PHLDB3: variants seen among roughly 807,000 people sequenced by gnomAD.
PHLDB3 encodes the protein pleckstrin homology like domain family B member 3.
Under a neutral mutation model 85.7 loss-of-function variants are expected in PHLDB3, and 86 were observed. The observed-to-expected ratio is 1.00, with a 90% CI of 0.84 to 1.20. The LOEUF is 1.20. Ranked by LOEUF, PHLDB3 falls within the 50% of genes most tolerant of loss-of-function variation. The pLI, the probability that PHLDB3 is intolerant of heterozygous loss-of-function variation, is 0.00. For missense variants in PHLDB3, 995 were observed against 873.0 expected (o/e 1.14, Z -1.76); for synonymous variants, 376 against 349.8 (o/e 1.07, Z -0.83).
intron 9 of PHLDB3, among the ~76,000 whole-genome samples, chr19:43,489,221 G>A (rs1221323639): frequency 2.0e-5 from 3 of 152,084 alleles, no homozygotes; most frequent in Admixed American, 2.0e-4. Context: ...GAAAACCAAG[G>A]CCAGGTGTGG....
chr19:43,484,099 A>C (rs943847654), intron 13 of PHLDB3, among the ~76,000 whole-genome samples: 2 of 151,784 alleles, frequency 1.3e-5, no homozygotes, highest in African/African-American at 4.8e-5. Flanking sequence ...TATAAATACA[A>C]AATTAGCCAG....
Position 43,475,380 on chromosome 19 carries a change from A to G in PHLDB3, c.*30T>C. 3.7e-6 allele frequency: 6 copies of G among 1,606,358 alleles called. No homozygotes were observed. The highest frequency in any genetic ancestry group is 4.3e-6 in the Non-Finnish European group (5 of 1,174,762). ...GCGCCCCGCGCCGGCGGAGCCTCGA[A>G]GGGACTTCCCCCCAAGAGGGCGGGG... On this transcript the variant is annotated 3_prime_UTR_variant, in exon 16 of 16. Transcript: ENST00000292140.
chr19:43,476,972 AT>A (rs1453679484), intron 15 of PHLDB3, among the ~76,000 whole-genome samples: 39 of 151,916 alleles, frequency 2.6e-4, no homozygotes, highest in Non-Finnish European at 4.7e-4. Flanking sequence ...CATTTAAAAA[AT>A]AAAAAAAAAA....
At chr19:43,486,072 C>T (rs1293234785) in intron 13 of PHLDB3, 194 bp downstream of exon 13, 1 of 985,366 alleles carries the variant, frequency 1.0e-6, no homozygotes, top group Non-Finnish European at 1.2e-6. Flanking sequence ...CGAGGACCTG[C>T]CACACATGGA....
intron 4 of PHLDB3, among the ~76,000 whole-genome samples, 184 bp from the exon 5 acceptor site, chr19:43,498,060 A>G (rs1971506455): frequency 6.6e-6 from 1 of 152,118 alleles, no homozygotes; most frequent in African/African-American, 2.4e-5. Flanking sequence ...GAATGAGGCC[A>G]GGTGTGGTGG....
intron 4 of PHLDB3, among the ~76,000 whole-genome samples, chr19:43,500,909 A>ACCCCTCCCCCCCCCCCCCCCCCC (rs1971574220): frequency 5.8e-5 from 1 of 17,152 alleles, no homozygotes; most frequent in Non-Finnish European, 1.3e-4. Flanking sequence ...CGCCCCCCGT[A>ACCCCTCCCCCCCCCCCCCCCCCC]CCCCCCCCCC....
At chr19:43,500,920 A>AC (rs1179130177) in intron 4 of PHLDB3, among the ~76,000 whole-genome samples, 4 of 20,212 alleles carry the variant, frequency 2.0e-4, no homozygotes, top group East Asian at 1.3e-3. Context: ...CCCCCCCCCC[A>AC]CCCCGCAAGT....
chr19:43,501,465 G>GT, intron 4 of PHLDB3: 1 of 565,802 alleles, frequency 1.8e-6, no homozygotes, highest in Non-Finnish European at 3.0e-6. Flanking sequence ...GATTACAGGC[G>GT]TGAGCCACTG....
chr19:43,497,634 C>T, intron 5 of PHLDB3, 114 bp downstream of exon 5: 1 of 1,142,618 alleles, frequency 8.8e-7, no homozygotes, highest in South Asian at 1.5e-5. Context: ...ATCGCTTGAA[C>T]CTGGGAGGCG....
chr19:43,491,238 G>A (rs375488602), intron 9 of PHLDB3, among the ~76,000 whole-genome samples: 1 of 152,178 alleles, frequency 6.6e-6, no homozygotes, highest in African/African-American at 2.4e-5. Flanking sequence ...AGGGGAAGCA[G>A]CCAGAAAGTT....
intron 9 of PHLDB3, among the ~76,000 whole-genome samples, chr19:43,493,196 T>G (rs1186605931): frequency 6.6e-6 from 1 of 151,574 alleles, no homozygotes; most frequent in African/African-American, 2.4e-5. Context: ...GGAGAATCGC[T>G]TGAACCCAGG....
At chr19:43,504,239 C>T in intron 1 of PHLDB3, 107 bp from the exon 2 acceptor site, 1 of 1,039,782 alleles carries the variant, frequency 9.6e-7, no homozygotes, top group Non-Finnish European at 1.4e-6. Context: ...GAGGCGGGGC[C>T]TAAGAGTTCA....
chr19:43,497,914 A>G (rs371399735), intron 4 of PHLDB3, 38 bp from the exon 5 acceptor site: 2 of 1,569,106 alleles, frequency 1.3e-6, no homozygotes, highest in Non-Finnish European at 1.7e-6. Flanking sequence ...CAGCTTAAGC[A>G]TAGCGGGAGA....
intron 8 of PHLDB3, 125 bp from the exon 9 acceptor site, chr19:43,494,940 T>G: frequency 1.4e-6 from 1 of 696,590 alleles, no homozygotes. Context: ...TAAGGAGAGA[T>G]GGAATGTGGT....
intron 2 of PHLDB3, among the ~76,000 whole-genome samples, chr19:43,503,625 G>C (rs1233149665): frequency 1.3e-5 from 2 of 152,054 alleles, no homozygotes; most frequent in Admixed American, 6.5e-5. Flanking sequence ...TAGTCTCTCT[G>C]TCTCTGTCGC....
intron 13 of PHLDB3, among the ~76,000 whole-genome samples, chr19:43,482,303 C>T (rs1971064229): frequency 6.6e-6 from 1 of 152,098 alleles, no homozygotes; most frequent in Non-Finnish European, 1.5e-5. Flanking sequence ...GCTAAAACAC[C>T]AGGGTTATCA....
chr19:43,495,177 G>A (rs999683985), intron 8 of PHLDB3, 79 bp downstream of exon 8: 97 of 1,109,612 alleles, frequency 8.7e-5, no homozygotes, highest in Non-Finnish European at 1.1e-4. Flanking sequence ...GGACTCCTGC[G>A]TCTGAGGGAG....
At chr19:43,480,093 A>T (rs896165501) in intron 13 of PHLDB3, among the ~76,000 whole-genome samples, 1 of 151,260 alleles carries the variant, frequency 6.6e-6, no homozygotes, top group Non-Finnish European at 1.5e-5. Flanking sequence ...ACATAGTGAG[A>T]TCCTGTCTCT....
chr19:43,487,107 T>A lies in PHLDB3; in HGVS notation c.1166A>T (p.Gln389Leu). The A allele has an allele frequency of 5.8e-6, 9 of 1,561,508 alleles. No homozygotes were observed. The highest frequency in any genetic ancestry group is 7.8e-6 in the Non-Finnish European group (9 of 1,152,348). The change falls in exon 10 of 16, where the codon CAG becomes CTG. Residue 389 changes from glutamine to leucine, a missense_variant. Transcript: ENST00000292140. Reference sequence around the variant, plus strand: ...TTTCCGGGGCAGGCTCCCAGTCCTCTGGAGGCCAATGGAGCCCTGAAAACA... The same window carrying A: ...TTTCCGGGGCAGGCTCCCAGTCCTCAGGAGGCCAATGGAGCCCTGAAAACA... ...HSSLQGSIGL[Q>L]RTGSLPRKRG...
Sources: allele counts gnomAD v4.1 joint callset (sites outside exome capture counted in the v4.1 genomes callset), GRCh38; gene constraint gnomAD v4.1.1; transcripts MANE v1.5; gene names NCBI Gene and HGNC (gene_info 2026-07-23, HGNC 2026-07-21).